GOLM2: variants seen among roughly 807,000 people sequenced by gnomAD.
GOLM2 encodes the protein protein GOLM2.
GOLM2 carries 26 observed loss-of-function variants against 55.9 expected under a neutral mutation model. The observed-to-expected ratio is 0.47, with a 90% CI of 0.34 to 0.65. The LOEUF is 0.65. Among genes scored for constraint, GOLM2 ranks in the 30% least tolerant of loss-of-function variants. GOLM2 has a pLI of 0.01. For missense variants in GOLM2, 486 were observed against 531.8 expected, an observed-to-expected ratio of 0.91 and a Z score of 0.85; for synonymous variants, 165 against 194.6, an observed-to-expected ratio of 0.85 and a Z score of 1.27.
rs2141223947 is a variant in GOLM2, at chr15:44,413,606, T to A, written c.*200T>A. 1 of 455,286 alleles carries A rather than the reference T, an allele frequency of 2.2e-6. No individual in the cohort carries two copies. Among genetic ancestry groups the A allele is most frequent in the South Asian group, 4.0e-5 (1 of 24,790 alleles). 28.2% of individuals were successfully genotyped at this position (455,286 alleles called of 1,614,324 possible). A position where few individuals can be genotyped will look rare whatever the true frequency, so the allele number is the denominator to read the frequency against. On this transcript the variant is annotated 3_prime_UTR_variant, in exon 10 of 10. Coordinates refer to ENST00000299957, the MANE Select transcript of GOLM2 (RefSeq NM_138423.4). The stretch of plus-strand genomic sequence containing the variant: ...CATATTGTATTATCAAGGTATAGAC[T>A]TTTTTGGTTATGATACAGTTAAGCC...
Position 44,328,706 on chromosome 15 carries a change from A to G in GOLM2, c.404A>G (p.Gln135Arg), listed in dbSNP as rs1162093032. Residue 135 changes from glutamine (Q) to arginine (R), a missense_variant, in exon 3 of 10, where the codon CAG becomes CGG. Transcript: ENST00000299957. ...HLKEQLAELRQEFLRQEDQLQ... is the reference protein window; with the variant it reads ...HLKEQLAELRREFLRQEDQLQ... ...ATAGAGCAACTTGCTGAGCTTCGTC[A>G]GGAATTTCTTCGACAAGAAGACCAG... 2 of 1,613,266 alleles carry G rather than the reference A, an allele frequency of 1.2e-6. No individual in the cohort carries two copies. The highest frequency in any genetic ancestry group is 3.3e-5 in the Admixed American group (2 of 59,836).
At chr15:44,314,027 G>A (rs939670267) in intron 1 of GOLM2, among the ~76,000 whole-genome samples, 6 of 152,074 alleles carry the variant, frequency 3.9e-5, no homozygotes, top group African/African-American at 1.4e-4. Context: ...CACAAGGTCA[G>A]GAGATTGAGA....
chr15:44,298,430 ATTT>A (rs1233048546), intron 1 of GOLM2, among the ~76,000 whole-genome samples: 1 of 133,162 alleles, frequency 7.5e-6, no homozygotes, highest in Non-Finnish European at 1.6e-5. Context: ...TGGCCGGCTA[ATTT>A]TTTTTTTTTT....
At chr15:44,384,804 G>T (rs1186046796) in intron 8 of GOLM2, among the ~76,000 whole-genome samples, 2 of 151,906 alleles carry the variant, frequency 1.3e-5, no homozygotes, top group African/African-American at 2.4e-5. Context: ...AGCTACTTGG[G>T]AGGGTGAGGC....
chr15:44,331,701 GT>G (rs886272345), intron 3 of GOLM2, among the ~76,000 whole-genome samples: 23 of 151,488 alleles, frequency 1.5e-4, no homozygotes, highest in African/African-American at 2.4e-4. Flanking sequence ...GGTTTTGAAA[GT>G]TTTTTTTTAA....
Position 44,295,931 on chromosome 15 carries a change from CACACACACACACACACAG to C in GOLM2, c.327+6580_327+6597del, listed in dbSNP as rs1301260270. Among the ~76,000 whole-genome samples, 6 of 152,102 alleles carry C rather than the reference CACACACACACACACACAG, an allele frequency of 3.9e-5. No individual in the cohort carries two copies. The East Asian group carries it at 7.7e-4, about 20-fold the overall frequency. ...TCCACCACACATACACACACACACA[CACACACACACACACACAG>C]ACACCCTTTTATTTCCTCTTTTATC... On this transcript the variant is annotated intron_variant, in intron 1 of 9. Coordinates refer to ENST00000299957, the MANE Select transcript of GOLM2 (RefSeq NM_138423.4).
intron 8 of GOLM2, among the ~76,000 whole-genome samples, chr15:44,400,472 C>T (rs895932690): frequency 5.3e-5 from 8 of 151,714 alleles, no homozygotes; most frequent in Non-Finnish European, 1.0e-4. Context: ...CATGCGCCAC[C>T]ATGCCTGCCT....
intron 6 of GOLM2, among the ~76,000 whole-genome samples, chr15:44,373,930 G>C (rs1336508176): frequency 1.3e-5 from 2 of 151,900 alleles, no homozygotes; most frequent in Non-Finnish European, 2.9e-5. Context: ...GTGAAACCCT[G>C]TTTCTACTAA....
intron 6 of GOLM2, among the ~76,000 whole-genome samples, chr15:44,357,970 C>T (rs2079208616): frequency 6.6e-6 from 1 of 152,110 alleles, no homozygotes; most frequent in East Asian, 1.9e-4. Flanking sequence ...AATGTCAGTT[C>T]CTCGGAGTAT....
intron 1 of GOLM2, among the ~76,000 whole-genome samples, chr15:44,311,434 A>G (rs1451998114): frequency 6.6e-6 from 1 of 152,144 alleles, no homozygotes; most frequent in Non-Finnish European, 1.5e-5. Flanking sequence ...TTCAAATGAA[A>G]TTCAGGACAT....
intron 3 of GOLM2, among the ~76,000 whole-genome samples, chr15:44,330,639 G>A (rs2079017136): frequency 6.6e-6 from 1 of 152,158 alleles, no homozygotes; most frequent in East Asian, 1.9e-4. Context: ...GCAGAAGTGG[G>A]AGGATTGCTT....
chr15:44,337,566 A>T (rs1298865448), intron 4 of GOLM2, among the ~76,000 whole-genome samples, 197 bp from the exon 5 acceptor site: 1 of 152,086 alleles, frequency 6.6e-6, no homozygotes, highest in East Asian at 1.9e-4. Context: ...AGATTTTCAA[A>T]AGTGTTATTC....
intron 1 of GOLM2, among the ~76,000 whole-genome samples, chr15:44,292,358 G>A (rs902674590): frequency 4.0e-5 from 6 of 151,422 alleles, no homozygotes; most frequent in Non-Finnish European, 4.4e-5. Flanking sequence ...CTCCATGCCC[G>A]GCTAATTTTT....
chr15:44,396,953 C>G (rs982214394), intron 8 of GOLM2, among the ~76,000 whole-genome samples: 104 of 152,196 alleles, frequency 6.8e-4, no homozygotes, highest in African/African-American at 2.5e-3. Flanking sequence ...TATATTGTTG[C>G]TGATAATCAA....
intron 6 of GOLM2, among the ~76,000 whole-genome samples, chr15:44,359,529 A>T (rs1567034710): frequency 1.3e-5 from 2 of 152,168 alleles, no homozygotes; most frequent in Non-Finnish European, 2.9e-5. Flanking sequence ...CAGAGCTTGC[A>T]GTGAGCTGAG....
At chr15:44,312,029 A>C (rs1480296080) in intron 1 of GOLM2, among the ~76,000 whole-genome samples, 1 of 152,196 alleles carries the variant, frequency 6.6e-6, no homozygotes, top group East Asian at 1.9e-4. Flanking sequence ...ATGTAACAAG[A>C]AAGAGATTAA....
chr15:44,313,360 G>GC (rs1459835419), intron 1 of GOLM2, among the ~76,000 whole-genome samples: 1 of 152,130 alleles, frequency 6.6e-6, no homozygotes, highest in African/African-American at 2.4e-5. Context: ...TCCTACTCCT[G>GC]ATAATCTCAG....
Position 44,303,294 on chromosome 15 carries a change from C to T in GOLM2, c.327+13938C>T, listed in dbSNP as rs371465647. 4.6e-5 allele frequency among the ~76,000 whole-genome samples: 7 copies of T among 152,044 alleles called. No homozygotes were observed. The South Asian group carries it at 1.0e-3, about 23-fold the overall frequency. ...TACTAGGGCTACCACAGATATTATC[C>T]ACATATCTGATTGCACTACCTTTTC... On this transcript the variant is annotated intron_variant, in intron 1 of 9. Transcript: ENST00000299957.
chr15:44,379,613 C>G (rs191282012), intron 6 of GOLM2, 77 bp from the exon 7 acceptor site: 2 of 727,602 alleles, frequency 2.7e-6, no homozygotes, highest in Admixed American at 4.9e-5. Context: ...AATTGATTCA[C>G]GGTGGTTTTT....
Sources: gnomAD v4.1 joint callset for allele counts (sites outside exome capture counted in the v4.1 genomes callset) on GRCh38, gnomAD v4.1.1 for gene constraint, MANE v1.5 for transcripts, NCBI Gene and HGNC (gene_info 2026-07-23, HGNC 2026-07-21) for gene names.